XRCC3: variants seen among roughly 807,000 people sequenced by gnomAD.
XRCC3 encodes DNA repair protein XRCC3.
Under a neutral mutation model 29.2 loss-of-function variants are expected in XRCC3, and 34 were observed. That is an observed-to-expected ratio of 1.16 (90% confidence interval 0.88 to 1.55). XRCC3 has a LOEUF of 1.55. XRCC3 is among the 40% of genes most tolerant of loss of function. XRCC3 has a pLI of 0.00. For synonymous variants in XRCC3, 223 were observed against 211.3 expected (o/e 1.06, Z -0.48); for missense variants, 463 against 467.6 (o/e 0.99, Z 0.09).
rs1338448676 is a variant in XRCC3, at chr14:103,707,086, C to T, written c.323G>A (p.Arg108His). 6.4e-6 allele frequency: 10 copies of T among 1,557,392 alleles called. No individual in the cohort carries two copies. Among genetic ancestry groups the T allele is most frequent in the Middle Eastern group, 1.7e-4 (1 of 5,754 alleles). Residue 108 changes from arginine to histidine, a missense_variant, in exon 6 of 10, where the codon CGC (arginine) becomes CAC (histidine). Transcript: ENST00000555055. Reference sequence around the variant, plus strand: ...CAGCTGGGTCTTCCCTGCCGAGCTGCGTCCGGCCAGCTCAGTGATGCCGTC... The same window carrying T: ...CAGCTGGGTCTTCCCTGCCGAGCTGTGTCCGGCCAGCTCAGTGATGCCGTC... Reference protein sequence around the residue: ...PLDGITELAGRSSAGKTQLAL... With the variant: ...PLDGITELAGHSSAGKTQLAL...
At chr14:103,706,881 G>A in intron 6 of XRCC3, 122 bp downstream of exon 6, 1 of 1,111,720 alleles carries the variant, frequency 9.0e-7, no homozygotes, top group Non-Finnish European at 1.3e-6. Flanking sequence ...GTGAGAAGGA[G>A]GGAGACGCAA....
intron 7 of XRCC3, chr14:103,702,506 A>AC (rs2083262204): frequency 6.5e-6 from 1 of 154,614 alleles, no homozygotes. Context: ...GGTCCTTGCC[A>AC]CCCGCCTGGG....
At chr14:103,711,988 G>C (rs1487325971) in intron 2 of XRCC3, 2 of 347,878 alleles carry the variant, frequency 5.7e-6, no homozygotes, top group Non-Finnish European at 1.1e-5. Context: ...CCCAGCAGAG[G>C]AAAGGGCGGG....
intron 1 of XRCC3, among the ~76,000 whole-genome samples, chr14:103,714,610 C>CA (rs959232069): frequency 2.1e-4 from 32 of 151,828 alleles, no homozygotes; most frequent in East Asian, 7.7e-4. Context: ...CAGACTGTCT[C>CA]AAAAAAAACA....
intron 7 of XRCC3, 56 bp downstream of exon 7, chr14:103,703,117 C>T: frequency 1.9e-6 from 3 of 1,544,170 alleles, no homozygotes; most frequent in South Asian, 2.4e-5. Flanking sequence ...TACACCTGCC[C>T]CAATGGTCCT....
rs369115045 is a variant in XRCC3 at position 103,708,695 on chromosome 14, G to A, written c.56-36C>T. ...ACAGATAAATTACAGGAAAATGTCA[G>A]ACTGTCACAACGCAGGGCAACACAG... is the stretch of plus-strand genomic sequence containing the variant. On this transcript the variant is annotated intron_variant, in intron 4 of 9. Transcript: ENST00000555055. 13 of 1,613,368 alleles carry A rather than the reference G, an allele frequency of 8.1e-6. No homozygotes were observed. The African/African-American group carries it at 1.6e-4, about 20-fold the overall frequency.
rs1421618673 is a variant in XRCC3, at chr14:103,708,411, G to A, written c.193+111C>T. The A allele has an allele frequency of 3.3e-6, 5 of 1,502,038 alleles. No homozygotes were observed. The African/African-American group carries it at 4.1e-5, about 12-fold the overall frequency. The allele number at this position is 1,502,038 out of a possible 1,614,324, so 93.0% of individuals were successfully genotyped here. On this transcript the variant is annotated intron_variant, in intron 5 of 9. Coordinates refer to ENST00000555055, the MANE Select transcript of XRCC3 (RefSeq NM_005432.4). ...TCTGGGGCTGGAGCAGCTGCCACAC[G>A]CCCTGAGGCTGGTCCCTGGGTGAAG...
chr14:103,710,857 C>CAA, intron 4 of XRCC3, 176 bp downstream of exon 4: 1 of 416,472 alleles, frequency 2.4e-6, no homozygotes, highest in Non-Finnish European at 4.8e-6. Flanking sequence ...GTTAAGAACA[C>CAA]ACACACACAC....
chr14:103,700,664 G>GT, intron 7 of XRCC3: 1 of 1,607,480 alleles, frequency 6.2e-7, no homozygotes, highest in East Asian at 2.3e-5. Flanking sequence ...GGGCGTCTCT[G>GT]GCCGAGCCTC....
rs551369420 is a variant in XRCC3 at position 103,711,491 on chromosome 14, C to T, written c.-184G>A. On this transcript the variant is annotated 5_prime_UTR_variant, in exon 3 of 10. Coordinates refer to ENST00000555055, the MANE Select transcript of XRCC3 (RefSeq NM_005432.4). ...CTCTCTGGGGCTTGGGGATGACCCG[C>T]GTGTTTTTGGCTGACTTGACTGAGG... is the stretch of plus-strand genomic sequence containing the variant. 1.5e-4 allele frequency: 69 copies of T among 474,128 alleles called. No individual in the cohort carries two copies. The highest frequency in any genetic ancestry group is 1.0e-3 in the South Asian group (65 of 64,748). 29.4% of individuals were successfully genotyped at this position (474,128 alleles called of 1,614,324 possible). A position where few individuals can be genotyped will look rare whatever the true frequency, so the allele number is the denominator to read the frequency against.
Position 103,711,210 on chromosome 14 carries a change from A to G in XRCC3, c.-123T>C, listed in dbSNP as rs1376729850. 1 of 1,047,496 alleles carries G rather than the reference A, an allele frequency of 9.5e-7. No homozygotes were observed. The highest frequency in any genetic ancestry group is 1.5e-6 in the Non-Finnish European group (1 of 683,456). 64.9% of individuals were successfully genotyped at this position (1,047,496 alleles called of 1,614,324 possible). ...GGGAGGCCCGAACCAGGGAAGTGAC[A>G]GCAGCCGAGGTGTCCGTGTCATCGG... On this transcript the variant is annotated 5_prime_UTR_variant, in exon 4 of 10. Coordinates refer to ENST00000555055, the MANE Select transcript of XRCC3 (RefSeq NM_005432.4).
chr14:103,703,736 G>A (rs140301053), intron 6 of XRCC3: 50 of 292,570 alleles, frequency 1.7e-4, no homozygotes, highest in African/African-American at 9.7e-4. Context: ...CCTGAGCCCC[G>A]ACACATGGCC....
chr14:103,698,350 G>T lies in XRCC3; in HGVS notation c.*448C>A, dbSNP rs3212117. ...GTGGTGGGGGAGTAAGGACTGCCCT[G>T]TGTGCAGGAGGGGAGACCCTCGTGG... On this transcript the variant is annotated 3_prime_UTR_variant, in exon 10 of 10. Coordinates refer to ENST00000555055, the MANE Select transcript of XRCC3 (RefSeq NM_005432.4). 3,032 of 225,404 alleles carry T rather than the reference G, an allele frequency of 0.013. 80 individuals are homozygous for T. The highest frequency in any genetic ancestry group is 0.059 in the African/African-American group (2,562 of 43,462). 14.0% of individuals were successfully genotyped at this position (225,404 alleles called of 1,614,324 possible). A position where few individuals can be genotyped will look rare whatever the true frequency, so the allele number is the denominator to read the frequency against.
intron 6 of XRCC3, 103 bp from the exon 7 acceptor site, chr14:103,703,430 C>T (rs2083311527): frequency 7.4e-7 from 1 of 1,347,156 alleles, no homozygotes; most frequent in African/African-American, 1.4e-5. Flanking sequence ...AACTCTCTGC[C>T]CCTCACAGGT....
In XRCC3 at chr14:103,703,316, T is replaced by G. The variant is rs1254281866; in HGVS notation, c.418A>C (p.Ile140Leu). The G allele has an allele frequency of 1.3e-6, 2 of 1,551,140 alleles. No homozygotes were observed. Among genetic ancestry groups the G allele is most frequent in the Non-Finnish European group, 8.7e-7 (1 of 1,151,304 alleles). Residue 140 changes from isoleucine to leucine, a missense_variant, in exon 7 of 10, where the codon ATC becomes CTC. Physicochemically the swap from Ile to Leu is conservative, Grantham distance 5. Coordinates refer to ENST00000555055, the MANE Select transcript of XRCC3 (RefSeq NM_005432.4). The stretch of plus-strand genomic sequence containing the variant: ...TGCGGGAAGGCGTCTTCCGTGCAGA[T>G]GTAGACGGCTCCTGGGAAGCAAGAG... Reference protein sequence around the residue: ...HGGLEAGAVYICTEDAFPHKR... With the variant: ...HGGLEAGAVYLCTEDAFPHKR...
At position 103,698,328 on chromosome 14, in the gene XRCC3, G is replaced by A. The variant is rs1262850369; in HGVS notation, c.*470C>T. 3.6e-5 allele frequency: 7 copies of A among 192,538 alleles called. No individual in the cohort carries two copies. Among genetic ancestry groups the A allele is most frequent in the Non-Finnish European group, 7.6e-5 (7 of 91,736 alleles). The allele number at this position is 192,538 out of a possible 1,614,324, so 11.9% of individuals were successfully genotyped here. A position where few individuals can be genotyped will look rare whatever the true frequency, so the allele number is the denominator to read the frequency against. On this transcript the variant is annotated 3_prime_UTR_variant, in exon 10 of 10. Transcript: ENST00000555055. ...CTGCAGCCCCACTGTGGCCTGAGTG[G>A]TGGGGGAGTAAGGACTGCCCTGTGT...
At position 103,698,819 on chromosome 14, in the gene XRCC3, T is replaced by C; in HGVS notation, c.1020A>G (p.Thr340=). The change falls in exon 10 of 10, where the codon ACA becomes ACG. Residue 340 remains threonine (T), a synonymous_variant. Transcript: ENST00000555055. ...YTISAEGVRG[T]PGTQSH ...CGTGTCAGTGGGACTGGGTCCCAGG[T>C]GTCCCTCGCACCCCTTCGGCACTGA... 1 of 1,602,560 alleles carries C rather than the reference T, an allele frequency of 6.2e-7. No individual in the cohort carries two copies. Among genetic ancestry groups the C allele is most frequent in the Non-Finnish European group, 8.5e-7 (1 of 1,175,370 alleles).
chr14:103,702,191 G>A (rs1430108228), intron 7 of XRCC3: 1 of 152,468 alleles, frequency 6.6e-6, no homozygotes, highest in Non-Finnish European at 1.5e-5. Flanking sequence ...CTGGCCCCCG[G>A]TGAGTGGCCC....
chr14:103,709,203 T>G (rs1365818421), intron 4 of XRCC3: 1 of 212,510 alleles, frequency 4.7e-6, no homozygotes, highest in Non-Finnish European at 9.6e-6. Flanking sequence ...GCAGAGCATG[T>G]GCGAATCAGA....
Sources: allele counts gnomAD v4.1 joint callset (sites outside exome capture counted in the v4.1 genomes callset), GRCh38; gene constraint gnomAD v4.1.1; transcripts MANE v1.5; gene names NCBI Gene and HGNC (gene_info 2026-07-23, HGNC 2026-07-21).